THRB: variants seen among roughly 807,000 people sequenced by gnomAD.
THRB encodes thyroid hormone receptor beta.
Under a neutral mutation model 47.8 loss-of-function variants are expected in THRB, and 12 were observed. The observed-to-expected ratio is 0.25, with a 90% CI of 0.16 to 0.41. The LOEUF is 0.41. Among genes scored for constraint, THRB ranks in the 10% least tolerant of loss-of-function variants. The probability of loss-of-function intolerance (pLI) is 1.00; values close to 1 mark genes in which losing one functional copy is unlikely to be tolerated. For synonymous variants in THRB, 218 were observed against 212.2 expected, an observed-to-expected ratio of 1.03 and a Z score of -0.24; for missense variants, 348 against 589.2, an observed-to-expected ratio of 0.59 and a Z score of 4.24.
intron 1 of THRB, among the ~76,000 whole-genome samples, chr3:24,343,344 A>C (rs2062804359): frequency 6.6e-6 from 1 of 152,198 alleles, no homozygotes; most frequent in South Asian, 2.1e-4. Context: ...CTTCTATCAT[A>C]ATTTCTTTAA....
At chr3:24,456,662 TAAG>T (rs1271817565) in intron 1 of THRB, among the ~76,000 whole-genome samples, 1 of 150,942 alleles carries the variant, frequency 6.6e-6, no homozygotes, top group East Asian at 1.9e-4. Context: ...AATATAAAGA[TAAG>T]TATTAATTAT....
intron 4 of THRB, among the ~76,000 whole-genome samples, chr3:24,201,797 A>G (rs1381478230): frequency 6.6e-6 from 1 of 152,078 alleles, no homozygotes; most frequent in Non-Finnish European, 1.5e-5. Context: ...GGAAAAATCC[A>G]AACACCAAGA....
At chr3:24,156,698 C>G (rs559988263) in intron 5 of THRB, among the ~76,000 whole-genome samples, 5 of 152,094 alleles carry the variant, frequency 3.3e-5, no homozygotes, top group Non-Finnish European at 4.4e-5. Context: ...GATCTTGGGA[C>G]GGGATAGAGG....
chr3:24,361,363 A>G (rs1199108003), intron 1 of THRB, among the ~76,000 whole-genome samples: 2 of 152,172 alleles, frequency 1.3e-5, no homozygotes, highest in Non-Finnish European at 2.9e-5. Context: ...TTCTGTCGAT[A>G]TACATAATAC....
intron 1 of THRB, among the ~76,000 whole-genome samples, chr3:24,478,400 C>T (rs181270142): frequency 2.6e-5 from 4 of 152,246 alleles, no homozygotes; most frequent in South Asian, 2.1e-4. Context: ...AATGGATGAA[C>T]GTAATTTTAA....
At chr3:24,178,770 G>A (rs374620032) in intron 5 of THRB, among the ~76,000 whole-genome samples, 1 of 152,134 alleles carries the variant, frequency 6.6e-6, no homozygotes, top group East Asian at 1.9e-4. Context: ...GGTCTGCAGC[G>A]GGGAGGGTAG....
intron 3 of THRB, among the ~76,000 whole-genome samples, chr3:24,244,309 G>A (rs1345182445): frequency 6.6e-6 from 1 of 152,076 alleles, no homozygotes; most frequent in Non-Finnish European, 1.5e-5. Flanking sequence ...CATCATACAG[G>A]GTGTTAAAGA....
chr3:24,123,449 T>A (rs1231142111), intron 10 of THRB, among the ~76,000 whole-genome samples: 1 of 152,160 alleles, frequency 6.6e-6, no homozygotes, highest in African/African-American at 2.4e-5. Context: ...GCTGAAATAT[T>A]CTGCAAGATG....
chr3:24,213,286 T>C (rs1179165455), intron 4 of THRB, among the ~76,000 whole-genome samples: 2 of 152,182 alleles, frequency 1.3e-5, no homozygotes, highest in African/African-American at 2.4e-5. Context: ...TTAGTTGATT[T>C]GTGGCACATG....
Position 24,308,359 on chromosome 3 carries a change from A to G in THRB, c.-188-10988T>C, listed in dbSNP as rs539152470. ...TATGAAAGAATTAGGGAGGCTTAACAATACAAGGTTAGGGTGTTACGAAGG... is the reference window on the plus strand; with the variant it reads ...TATGAAAGAATTAGGGAGGCTTAACGATACAAGGTTAGGGTGTTACGAAGG... On this transcript the variant is annotated intron_variant, in intron 2 of 10. Transcript: ENST00000646209. Among the ~76,000 whole-genome samples the G allele has an allele frequency of 4.6e-5, 7 of 152,318 alleles. No homozygotes were observed. The East Asian group carries it at 1.4e-3, about 29-fold the overall frequency.
chr3:24,423,954 G>A (rs2069512438), intron 1 of THRB, among the ~76,000 whole-genome samples: 1 of 151,858 alleles, frequency 6.6e-6, no homozygotes, highest in Non-Finnish European at 1.5e-5. Flanking sequence ...TATTAAGCAT[G>A]TCAATGGAGA....
intron 3 of THRB, among the ~76,000 whole-genome samples, chr3:24,279,397 T>C (rs966147129): frequency 6.6e-6 from 1 of 152,084 alleles, no homozygotes; most frequent in Non-Finnish European, 1.5e-5. Flanking sequence ...TTTTTTCTTT[T>C]TTTTGAGACG....
intron 3 of THRB, among the ~76,000 whole-genome samples, chr3:24,269,403 G>GCGCGCGCGCACACA (rs1175063428): frequency 1.4e-5 from 1 of 72,634 alleles, no homozygotes; most frequent in African/African-American, 4.4e-5. Context: ...GCGCGCGCGC[G>GCGCGCGCGCACACA]CACACACACA....
intron 1 of THRB, among the ~76,000 whole-genome samples, chr3:24,423,759 C>A (rs1407463120): frequency 6.6e-6 from 1 of 151,666 alleles, no homozygotes; most frequent in East Asian, 2.0e-4. Flanking sequence ...CTTTTTATGG[C>A]CATCTATTTA....
chr3:24,170,182 AC>A (rs2040243540), intron 5 of THRB, among the ~76,000 whole-genome samples: 1 of 152,100 alleles, frequency 6.6e-6, no homozygotes, highest in Non-Finnish European at 1.5e-5. Flanking sequence ...ACCACCATCC[AC>A]CTGGGAGCTT....
At chr3:24,139,102 A>G (rs1424097562) in intron 8 of THRB, among the ~76,000 whole-genome samples, 1 of 152,168 alleles carries the variant, frequency 6.6e-6, no homozygotes, top group Non-Finnish European at 1.5e-5. Flanking sequence ...TCTGCTTTTC[A>G]TCCTTACTGT....
chr3:24,292,837 G>C (rs1465299196), intron 3 of THRB, among the ~76,000 whole-genome samples: 2 of 152,134 alleles, frequency 1.3e-5, no homozygotes, highest in Admixed American at 1.3e-4. Context: ...CCCTCTCACT[G>C]ATCTATGGCA....
intron 1 of THRB, among the ~76,000 whole-genome samples, chr3:24,491,603 G>T (rs1327816262): frequency 6.6e-6 from 1 of 152,134 alleles, no homozygotes; most frequent in Non-Finnish European, 1.5e-5. Context: ...TCTTGTGTTG[G>T]ATCCTGACCA....
At chr3:24,336,897 A>G (rs941768552) in intron 2 of THRB, among the ~76,000 whole-genome samples, 1 of 151,464 alleles carries the variant, frequency 6.6e-6, no homozygotes, top group Admixed American at 6.6e-5. Flanking sequence ...AATTTTTTGT[A>G]TTTTTTAGTA....
Sources: allele counts gnomAD v4.1 joint callset (sites outside exome capture counted in the v4.1 genomes callset), GRCh38; gene constraint gnomAD v4.1.1; transcripts MANE v1.5; gene names NCBI Gene and HGNC (gene_info 2026-07-23, HGNC 2026-07-21).